The following WWOX variants were observed in gnomAD, a reference collection of about 807,000 sequenced individuals.
WWOX encodes WW domain containing oxidoreductase.
Under a neutral mutation model 46.2 loss-of-function variants are expected in WWOX, and 69 were observed. The observed-to-expected ratio is 1.49, with a 90% CI of 1.23 to 1.82. WWOX has a LOEUF of 1.82. Among genes scored for constraint, WWOX ranks in the 40% most tolerant of loss-of-function variants. WWOX has a pLI of 0.00. For synonymous variants in WWOX, 359 were observed against 202.6 expected (o/e 1.77, Z -6.56); for missense variants, 919 against 542.6 (o/e 1.69, Z -6.89).
chr16:78,827,760 G>A (rs1019827110), intron 8 of WWOX, among the ~76,000 whole-genome samples: 1 of 152,144 alleles, frequency 6.6e-6, no homozygotes, highest in East Asian at 1.9e-4. Flanking sequence ...AGAATCACTT[G>A]AATCTGGGAG....
At chr16:78,969,986 G>A (rs1274149224) in intron 8 of WWOX, among the ~76,000 whole-genome samples, 1 of 152,162 alleles carries the variant, frequency 6.6e-6, no homozygotes, top group Non-Finnish European at 1.5e-5. Flanking sequence ...TTAAATGGGT[G>A]AATTGTATGG....
intron 8 of WWOX, among the ~76,000 whole-genome samples, chr16:78,773,493 C>T (rs918540038): frequency 6.6e-6 from 1 of 152,136 alleles, no homozygotes; most frequent in Non-Finnish European, 1.5e-5. Flanking sequence ...GTACTTTGTC[C>T]CTTGTGTTAG....
chr16:78,560,770 A>G (rs1597268311), intron 8 of WWOX, among the ~76,000 whole-genome samples: 1 of 152,242 alleles, frequency 6.6e-6, no homozygotes, highest in Admixed American at 6.5e-5. Flanking sequence ...TATGAATTTT[A>G]TACTCTGAAG....
chr16:78,551,362 A>G (rs1426034473), intron 8 of WWOX: 3 of 151,970 alleles, frequency 2.0e-5, no homozygotes. Flanking sequence ...TTGATCTCCT[A>G]TTTATTTATA....
intron 8 of WWOX, among the ~76,000 whole-genome samples, chr16:79,136,398 T>C (rs1427388560): frequency 6.6e-6 from 1 of 152,010 alleles, no homozygotes; most frequent in Non-Finnish European, 1.5e-5. Flanking sequence ...ACCCAGCTAA[T>C]TTTTGTATTT....
intron 5 of WWOX, among the ~76,000 whole-genome samples, chr16:78,291,728 A>G (rs1024025082): frequency 1.3e-5 from 2 of 152,222 alleles, no homozygotes; most frequent in Admixed American, 6.5e-5. Flanking sequence ...AAATAAAAAA[A>G]AAGCAAAATT....
chr16:79,125,605 A>C (rs1217436921), intron 8 of WWOX, among the ~76,000 whole-genome samples: 1 of 152,158 alleles, frequency 6.6e-6, no homozygotes, highest in Non-Finnish European at 1.5e-5. Context: ...CTTGGGATGA[A>C]GACCCTTCCT....
chr16:78,174,547 C>T (rs973107099), intron 5 of WWOX, among the ~76,000 whole-genome samples: 1 of 152,230 alleles, frequency 6.6e-6, no homozygotes, highest in Non-Finnish European at 1.5e-5. Flanking sequence ...ATGCTAAATA[C>T]ATTTATTACA....
At chr16:78,720,298 G>C (rs1005818700) in intron 8 of WWOX, among the ~76,000 whole-genome samples, 4 of 145,358 alleles carry the variant, frequency 2.8e-5, no homozygotes, top group Admixed American at 2.0e-4. Context: ...GAACCTGACG[G>C]TTATATAGAT....
At chr16:78,626,869 C>A (rs2046322831) in intron 8 of WWOX, among the ~76,000 whole-genome samples, 1 of 152,110 alleles carries the variant, frequency 6.6e-6, no homozygotes, top group African/African-American at 2.4e-5. Flanking sequence ...TCCTATACTA[C>A]TTTATTTATT....
chr16:79,087,038 T>C (rs1386142202), intron 8 of WWOX, among the ~76,000 whole-genome samples: 1 of 152,196 alleles, frequency 6.6e-6, no homozygotes, highest in African/African-American at 2.4e-5. Context: ...CCCCATCTGC[T>C]CCTGATGGAC....
intron 5 of WWOX, among the ~76,000 whole-genome samples, chr16:78,288,825 CAGTT>C (rs2079812672): frequency 6.6e-6 from 1 of 152,094 alleles, no homozygotes; most frequent in Admixed American, 6.6e-5. Context: ...AAGTATCCAT[CAGTT>C]AGGTGGGGGC....
rs901897952 is a variant in WWOX, at chr16:79,211,661, T to C, written c.1110T>C (p.Gly370=). The C allele has an allele frequency of 3.1e-6, 5 of 1,613,618 alleles. No individual in the cohort carries two copies. The East Asian group carries it at 6.7e-5, about 22-fold the overall frequency. Residue 370 remains glycine (G), a synonymous_variant, in exon 9 of 9, where the codon GGT becomes GGC. Transcript: ENST00000566780. ...VYCAAVPELE[G]LGGMYFNNCC... ...GTGCTGCTGTCCCAGAACTGGAGGG[T>C]CTGGGAGGGATGTACTTCAACAACT...
At chr16:78,429,717 T>A (rs1397350752) in intron 7 of WWOX, among the ~76,000 whole-genome samples, 1 of 152,232 alleles carries the variant, frequency 6.6e-6, no homozygotes, top group Non-Finnish European at 1.5e-5. Flanking sequence ...CTGTAATACC[T>A]TATTATGTTG....
chr16:79,176,673 C>T (rs987929081), intron 8 of WWOX, among the ~76,000 whole-genome samples: 42 of 152,044 alleles, frequency 2.8e-4, no homozygotes, highest in African/African-American at 8.9e-4. Context: ...TTCTTTCTGG[C>T]ATAGTTTGGA....
intron 8 of WWOX, among the ~76,000 whole-genome samples, chr16:78,912,751 C>T (rs898780905): frequency 3.3e-5 from 5 of 151,976 alleles, no homozygotes; most frequent in African/African-American, 1.2e-4. Flanking sequence ...AAAATTGATT[C>T]TCTAAAACCA....
chr16:78,943,898 C>A (rs1176309685), intron 8 of WWOX, among the ~76,000 whole-genome samples: 1 of 152,166 alleles, frequency 6.6e-6, no homozygotes, highest in Non-Finnish European at 1.5e-5. Flanking sequence ...GAAGCAGCAG[C>A]CACAGGAACC....
At chr16:78,752,411 C>G (rs1016465963) in intron 8 of WWOX, among the ~76,000 whole-genome samples, 20 of 152,166 alleles carry the variant, frequency 1.3e-4, no homozygotes, top group African/African-American at 4.8e-4. Flanking sequence ...CCTCAGCCTT[C>G]TGAGTAGCTG....
chr16:79,047,551 A>T (rs1281938740), intron 8 of WWOX, among the ~76,000 whole-genome samples: 1 of 152,068 alleles, frequency 6.6e-6, no homozygotes, highest in South Asian at 2.1e-4. Context: ...CACCATGTGT[A>T]TCAGTGTCCT....
Sources: allele counts gnomAD v4.1 joint callset (sites outside exome capture counted in the v4.1 genomes callset), GRCh38; gene constraint gnomAD v4.1.1; transcripts MANE v1.5; gene names NCBI Gene and HGNC (gene_info 2026-07-23, HGNC 2026-07-21).